Variants in TSPAN14 observed in about 807,000 individuals in gnomAD.
TSPAN14 encodes the protein tetraspanin 14.
TSPAN14 carries 16 observed loss-of-function variants against 36.6 expected under a neutral mutation model. The ratio of observed to expected loss-of-function variants is 0.44; its 90% confidence interval spans 0.30 to 0.66. The LOEUF (loss-of-function observed/expected upper bound fraction) is 0.66. TSPAN14 is among the 30% of genes least tolerant of loss of function. The pLI, the probability that TSPAN14 is intolerant of heterozygous loss-of-function variation, is 0.12. For missense variants in TSPAN14, 231 were observed against 355.1 expected (o/e 0.65, Z 2.81); for synonymous variants, 139 against 143.8 (o/e 0.97, Z 0.24).
chr10:80,504,883 T>C, intron 3 of TSPAN14, 105 bp downstream of exon 3: 1 of 1,236,554 alleles, frequency 8.1e-7, no homozygotes, highest in South Asian at 1.2e-5. Flanking sequence ...AAGCATTTCT[T>C]GTGCAGTGTC....
chr10:80,454,825 C>T (rs1845660364), intron 1 of TSPAN14, among the ~76,000 whole-genome samples: 1 of 152,142 alleles, frequency 6.6e-6, no homozygotes, highest in African/African-American at 2.4e-5. Context: ...CCACCCTCGG[C>T]TCCCAGGAGA....
At chr10:80,467,376 G>C (rs1339039982) in intron 1 of TSPAN14, among the ~76,000 whole-genome samples, 1 of 152,154 alleles carries the variant, frequency 6.6e-6, no homozygotes, top group Non-Finnish European at 1.5e-5. Flanking sequence ...TCACCATCGA[G>C]GCAGCTCAGT....
intron 5 of TSPAN14, among the ~76,000 whole-genome samples, 163 bp from the exon 6 acceptor site, chr10:80,511,981 C>T (rs1840679635): frequency 1.3e-5 from 2 of 152,002 alleles, no homozygotes; most frequent in Non-Finnish European, 2.9e-5. Context: ...CCTGGGTTGC[C>T]AGCTTAGCAT....
chr10:80,509,422 A>C lies in TSPAN14; in HGVS notation c.401A>C (p.Tyr134Ser). Reference sequence around the variant, plus strand: ...TTCTTCGAGAGCAACATCAAGTCCTACCGGGACGATATCGATCTGCAAAAC... The same window carrying C: ...TTCTTCGAGAGCAACATCAAGTCCTCCCGGGACGATATCGATCTGCAAAAC... Residue 134 changes from tyrosine (Y) to serine (S), a missense_variant, in exon 5 of 9, where the codon TAC becomes TCC. Physicochemically the swap from Tyr to Ser is moderately radical, Grantham distance 144. Coordinates refer to ENST00000429989, the Ensembl canonical transcript of TSPAN14. The surrounding 1 kb of genome is among the most constrained non-coding windows in gnomAD (Gnocchi z 4.7). 6.2e-7 allele frequency: 1 copy of C among 1,614,136 alleles called. No individual in the cohort carries two copies. Among genetic ancestry groups the C allele is most frequent in the Non-Finnish European group, 8.5e-7 (1 of 1,180,018 alleles).
At chr10:80,485,033 A>T (rs1847510960) in intron 1 of TSPAN14, among the ~76,000 whole-genome samples, 1 of 152,168 alleles carries the variant, frequency 6.6e-6, no homozygotes, top group African/African-American at 2.4e-5. Context: ...TGCCACACTG[A>T]TGCTTTATTT....
At chr10:80,484,351 G>T (rs577437290) in intron 1 of TSPAN14, among the ~76,000 whole-genome samples, 5 of 151,794 alleles carry the variant, frequency 3.3e-5, no homozygotes, top group African/African-American at 1.2e-4. Context: ...TAAAGACCGG[G>T]TCTTGCTCTG....
intron 1 of TSPAN14, among the ~76,000 whole-genome samples, chr10:80,486,099 G>A (rs571322172): frequency 6.6e-6 from 1 of 152,366 alleles, no homozygotes; most frequent in South Asian, 2.1e-4. Flanking sequence ...TGGAGTTTAG[G>A]ACGTGGCTGT....
chr10:80,507,316 C>T, exon 4 of TSPAN14: 2 of 1,614,196 alleles, frequency 1.2e-6, no homozygotes, highest in Non-Finnish European at 1.7e-6. Context: ...GTGATGTTCA[C>T]CCTGGGGTTC....
At position 80,464,649 on chromosome 10, in the gene TSPAN14, G is replaced by A. The variant is rs545533035; in HGVS notation, c.-18+10278G>A. On this transcript the variant is annotated intron_variant, in intron 1 of 8. Coordinates refer to ENST00000429989, the Ensembl canonical transcript of TSPAN14. ...TACTCAGAGAACTTCTCACCATTGC[G>A]GTTACATGCAGTCCCCGTGAGAAGG... is the stretch of plus-strand genomic sequence containing the variant. Among the ~76,000 whole-genome samples, 37 of 152,312 alleles carry A rather than the reference G, an allele frequency of 2.4e-4. No homozygotes were observed. The Middle Eastern group carries it at 0.014, about 56-fold the overall frequency.
chr10:80,482,992 C>T (rs1275024926), intron 1 of TSPAN14, among the ~76,000 whole-genome samples: 3 of 152,166 alleles, frequency 2.0e-5, no homozygotes, highest in East Asian at 1.9e-4. Context: ...GTCTCAGCCT[C>T]CCAAAGTGCT....
chr10:80,493,296 C>T (rs1343565591), intron 2 of TSPAN14, among the ~76,000 whole-genome samples: 1 of 152,162 alleles, frequency 6.6e-6, no homozygotes, highest in Non-Finnish European at 1.5e-5. Context: ...AACCTTTGTG[C>T]ACTGTTAGTG....
Position 80,509,306 on chromosome 10 carries a change from TG to T in TSPAN14, c.287del (p.Gly96AlafsTer24). 1.9e-6 allele frequency: 3 copies of T among 1,613,652 alleles called. No homozygotes were observed. Among genetic ancestry groups the T allele is most frequent in the Non-Finnish European group, 2.5e-6 (3 of 1,179,892 alleles). ...CCCGTCCCCTTCCCCTGCAGTTCTGTGGCACCATCGTGCTCATCTTCTTCCT... is the reference window on the plus strand; with the variant it reads ...CCCGTCCCCTTCCCCTGCAGTTCTGTGCACCATCGTGCTCATCTTCTTCCT... On this transcript the variant is annotated frameshift_variant, in exon 5 of 9. Coordinates refer to ENST00000429989, the Ensembl canonical transcript of TSPAN14. LOFTEE classifies it high-confidence loss of function. This position sits in a 1 kb window ranked among gnomAD's most constrained non-coding sequence, Gnocchi z 4.7.
At chr10:80,497,375 TGGCCTTCC>T (rs950254917) in intron 2 of TSPAN14, among the ~76,000 whole-genome samples, 12 of 152,242 alleles carry the variant, frequency 7.9e-5, no homozygotes, top group Non-Finnish European at 1.8e-4. Flanking sequence ...AGGCCAAACC[TGGCCTTCC>T]GCCTGTTTTT....
At chr10:80,508,517 C>T (rs1159057119) in intron 4 of TSPAN14, among the ~76,000 whole-genome samples, 1 of 152,140 alleles carries the variant, frequency 6.6e-6, no homozygotes, top group Admixed American at 6.5e-5. Context: ...TCTGTGAGAG[C>T]GCAGACTGCA....
chr10:80,495,358 T>A (rs1428505006), intron 2 of TSPAN14, among the ~76,000 whole-genome samples: 1 of 116,836 alleles, frequency 8.6e-6, no homozygotes, highest in Non-Finnish European at 1.7e-5. Flanking sequence ...TGTGTGTGTG[T>A]GTGTGTGTGT....
intron 2 of TSPAN14, among the ~76,000 whole-genome samples, chr10:80,499,882 A>G (rs2132032618): frequency 6.6e-6 from 1 of 151,194 alleles, no homozygotes; most frequent in Middle Eastern, 3.4e-3. Context: ...CCCGTTCTTC[A>G]GTAGGTAATT....
rs1255623714 is a variant in TSPAN14, at chr10:80,509,734, C to T, written c.450+263C>T. 5.2e-5 allele frequency: 24 copies of T among 463,280 alleles called. No homozygotes were observed. The highest frequency in any genetic ancestry group is 8.6e-5 in the Non-Finnish European group (22 of 256,208). The allele number at this position is 463,280 out of a possible 1,614,324, so 28.7% of individuals were successfully genotyped here. A position where few individuals can be genotyped will look rare whatever the true frequency, so the allele number is the denominator to read the frequency against. ...CGAGGCCACCCACCCCCCACGTGCC[C>T]GGCCCTCCTCTTTCGGCCCCAGATC... is the stretch of plus-strand genomic sequence containing the variant. On this transcript the variant is annotated intron_variant, in intron 5 of 8. Transcript: ENST00000429989. This position sits in a 1 kb window ranked among gnomAD's most constrained non-coding sequence, Gnocchi z 4.7.
chr10:80,461,824 G>A (rs575391221), intron 1 of TSPAN14, among the ~76,000 whole-genome samples: 23 of 149,096 alleles, frequency 1.5e-4, no homozygotes, highest in African/African-American at 5.7e-4. Context: ...ACCTGCTGAG[G>A]GCTTGCACTG....
chr10:80,475,591 CT>C (rs551724209), intron 1 of TSPAN14, among the ~76,000 whole-genome samples: 5 of 151,796 alleles, frequency 3.3e-5, no homozygotes, highest in Non-Finnish European at 7.4e-5. Context: ...TTTCCCCATC[CT>C]TTTTTTTGTT....
Sources: gnomAD v4.1 joint callset for allele counts (sites outside exome capture counted in the v4.1 genomes callset) on GRCh38, gnomAD v4.1.1 for gene constraint, Gnocchi (gnomAD v3.1) non-coding constraint, MANE v1.5 for transcripts, NCBI Gene and HGNC (gene_info 2026-07-23, HGNC 2026-07-21) for gene names.